Variants in AGBL4 observed in about 807,000 individuals in gnomAD.
AGBL4 encodes the protein cytosolic carboxypeptidase 6.
Under a neutral mutation model 66.4 loss-of-function variants are expected in AGBL4, and 58 were observed. The ratio of observed to expected loss-of-function variants is 0.87; its 90% CI spans 0.71 to 1.09. The LOEUF (loss-of-function observed/expected upper bound fraction) is 1.09, where lower values mean the gene tolerates loss of function less well. Ranked by LOEUF, AGBL4 falls within the 50% of genes least tolerant of loss-of-function variation. AGBL4 has a pLI of 0.00. For synonymous variants in AGBL4, 234 were observed against 222.9 expected (o/e 1.05, Z -0.44); for missense variants, 579 against 631.0 (o/e 0.92, Z 0.88).
intron 3 of AGBL4, among the ~76,000 whole-genome samples, chr1:49,395,533 AGTGT>A (rs149386987): frequency 0.012 from 1,654 of 139,382 alleles, 12 homozygotes; most frequent in Middle Eastern, 0.039. Flanking sequence ...GCCAAACACT[AGTGT>A]GTGTGTGTGT....
chr1:49,515,052 TAA>T (rs1246805444), intron 3 of AGBL4, among the ~76,000 whole-genome samples: 1 of 151,998 alleles, frequency 6.6e-6, no homozygotes, highest in Non-Finnish European at 1.5e-5. Context: ...CTAATTAAAC[TAA>T]AGAGCTTCTG....
intron 1 of AGBL4, among the ~76,000 whole-genome samples, chr1:49,897,030 C>G (rs1649293979): frequency 6.6e-6 from 1 of 151,998 alleles, no homozygotes; most frequent in African/African-American, 2.4e-5. Flanking sequence ...AACTGAAAGT[C>G]TATCCTCTAA....
chr1:49,291,382 A>G (rs899830450), intron 3 of AGBL4, among the ~76,000 whole-genome samples: 2 of 152,198 alleles, frequency 1.3e-5, no homozygotes, highest in African/African-American at 4.8e-5. Context: ...AAAAAGGATA[A>G]TAGTCCAATG....
intron 2 of AGBL4, among the ~76,000 whole-genome samples, chr1:49,723,317 G>T (rs1316813095): frequency 6.6e-6 from 1 of 151,960 alleles, no homozygotes; most frequent in East Asian, 1.9e-4. Context: ...ACTCCTGAAA[G>T]GTCTTCATGC....
intron 4 of AGBL4, among the ~76,000 whole-genome samples, chr1:49,140,151 T>C (rs1646090630): frequency 6.6e-6 from 1 of 152,226 alleles, no homozygotes; most frequent in African/African-American, 2.4e-5. Context: ...TTTTACAATA[T>C]ACTTTTTTGA....
At chr1:49,657,208 C>T (rs1646159033) in intron 3 of AGBL4, among the ~76,000 whole-genome samples, 1 of 152,060 alleles carries the variant, frequency 6.6e-6, no homozygotes, top group Non-Finnish European at 1.5e-5. Flanking sequence ...TCTTATACAC[C>T]AATAACAGAC....
At chr1:49,499,364 A>T (rs1647909947) in intron 3 of AGBL4, among the ~76,000 whole-genome samples, 1 of 151,802 alleles carries the variant, frequency 6.6e-6, no homozygotes, top group Non-Finnish European at 1.5e-5. Context: ...AAATCCTTTT[A>T]TTATTATTAT....
rs1163583756 is a variant in AGBL4 at position 48,877,754 on chromosome 1, TG to T, written c.595-10525del. On this transcript the variant is annotated intron_variant, in intron 5 of 13. Transcript: ENST00000371839. ...TTCATGTAGTGAAATACCAGCAGAC[TG>T]AACTCCCCTGTGTTGTTTGAATAAG... Among the ~76,000 whole-genome samples, 7 of 152,162 alleles carry T rather than the reference TG, an allele frequency of 4.6e-5. No individual in the cohort carries two copies. The East Asian group carries it at 1.4e-3, about 30-fold the overall frequency.
intron 3 of AGBL4, among the ~76,000 whole-genome samples, chr1:49,390,340 G>A (rs1397281553): frequency 6.6e-6 from 1 of 152,154 alleles, no homozygotes; most frequent in Non-Finnish European, 1.5e-5. Flanking sequence ...ATGGCCCTGT[G>A]TTCTTGGCAC....
chr1:49,847,005 T>C (rs1186736430), intron 2 of AGBL4, among the ~76,000 whole-genome samples: 5 of 152,290 alleles, frequency 3.3e-5, no homozygotes, highest in African/African-American at 9.6e-5. Flanking sequence ...GCTGGAGATA[T>C]CAAATTATCT....
rs1000972537 is a variant in AGBL4, at chr1:49,523,696, G to A, written c.282+173617C>T. Among the ~76,000 whole-genome samples, 8 of 152,146 alleles carry A rather than the reference G, an allele frequency of 5.3e-5. 2 individuals carry two copies. The highest frequency in any genetic ancestry group is 4.2e-4 in the South Asian group (2 of 4,812). On this transcript the variant is annotated intron_variant, in intron 3 of 13. Transcript: ENST00000371839. Reference sequence around the variant, plus strand: ...TGATGTCAACTCAAATTAATATAATGTAAAATCAGATAACTTCATCATATT... The same window carrying A: ...TGATGTCAACTCAAATTAATATAATATAAAATCAGATAACTTCATCATATT...
chr1:49,110,161 T>G (rs988711083), intron 4 of AGBL4, among the ~76,000 whole-genome samples: 1 of 152,214 alleles, frequency 6.6e-6, no homozygotes, highest in Non-Finnish European at 1.5e-5. Context: ...CTCCCTTCAA[T>G]GTCCACATTT....
chr1:49,259,438 C>G (rs532351731), intron 3 of AGBL4, among the ~76,000 whole-genome samples: 3,022 of 151,890 alleles, frequency 0.02, 47 homozygotes, highest in Non-Finnish European at 0.033. Context: ...CACACATAGG[C>G]TCAAAATAAA....
rs376606195 is a variant in AGBL4, at chr1:49,022,820, C to T, written c.594+22764G>A. On this transcript the variant is annotated intron_variant, in intron 5 of 13. Transcript: ENST00000371839. Reference sequence around the variant, plus strand: ...TCATGTATATGTTGTGGAATACCTACTGTGTACCAGCACTATGCTAGGCTC... The same window carrying T: ...TCATGTATATGTTGTGGAATACCTATTGTGTACCAGCACTATGCTAGGCTC... 1.1e-3 allele frequency among the ~76,000 whole-genome samples: 170 copies of T among 152,294 alleles called. 1 individual carries two copies. Among genetic ancestry groups the T allele is most frequent in the African/African-American group, 3.9e-3 (164 of 41,574 alleles).
At chr1:48,806,643 T>C (rs1645930413) in intron 6 of AGBL4, among the ~76,000 whole-genome samples, 1 of 152,160 alleles carries the variant, frequency 6.6e-6, no homozygotes, top group South Asian at 2.1e-4. Flanking sequence ...AGAACAGAAC[T>C]CTTGAGGGAT....
chr1:48,896,218 T>C (rs970632224), intron 5 of AGBL4, among the ~76,000 whole-genome samples: 1 of 152,210 alleles, frequency 6.6e-6, no homozygotes, highest in South Asian at 2.1e-4. Flanking sequence ...AAGTTCTTTT[T>C]AAAACTCAGA....
intron 6 of AGBL4, among the ~76,000 whole-genome samples, chr1:48,794,197 C>A (rs1645615699): frequency 6.6e-6 from 1 of 152,202 alleles, no homozygotes; most frequent in African/African-American, 2.4e-5. Flanking sequence ...CCCACAGGAA[C>A]TTTCTCCCTG....
intron 2 of AGBL4, 92 bp from the exon 3 acceptor site, chr1:49,697,529 C>A: frequency 9.7e-7 from 1 of 1,026,248 alleles, no homozygotes; most frequent in Non-Finnish European, 1.4e-6. Flanking sequence ...CTGATAGTGG[C>A]ATTTGTCAAC....
rs115476919 is a variant in AGBL4 at position 48,618,333 on chromosome 1, A to G, written c.951+16160T>C. Among the ~76,000 whole-genome samples the G allele has an allele frequency of 6.1e-3, 936 of 152,332 alleles. 13 individuals carry two copies. The highest frequency in any genetic ancestry group is 0.021 in the African/African-American group (891 of 41,572). The stretch of plus-strand genomic sequence containing the variant: ...TGACAAATTAGTGAAAATAGTTATG[A>G]CAAGACCCACGTGCTAGTGATTCAT... On this transcript the variant is annotated intron_variant, in intron 9 of 13. Transcript: ENST00000371839.
Sources: allele counts gnomAD v4.1 joint callset (sites outside exome capture counted in the v4.1 genomes callset), GRCh38; gene constraint gnomAD v4.1.1; transcripts MANE v1.5; gene names NCBI Gene and HGNC (gene_info 2026-07-23, HGNC 2026-07-21).